SLC30A7: variants seen among roughly 807,000 people sequenced by gnomAD.
The protein encoded by SLC30A7 is solute carrier family 30 member 7.
SLC30A7 carries 35 observed loss-of-function variants against 46.0 expected under a neutral mutation model. The observed-to-expected ratio is 0.76, with a 90% CI of 0.58 to 1.01. The LOEUF (loss-of-function observed/expected upper bound fraction) is 1.01. Ranked by LOEUF, SLC30A7 falls within the 50% of genes least tolerant of loss-of-function variation. SLC30A7 has a pLI of 0.00. For synonymous variants in SLC30A7, 147 were observed against 157.8 expected (o/e 0.93, Z 0.51); for missense variants, 464 against 451.1 (o/e 1.03, Z -0.26).
At chr1:100,896,855 C>A (rs1651000272) in intron 2 of SLC30A7, among the ~76,000 whole-genome samples, 184 bp downstream of exon 2, 2 of 152,182 alleles carry the variant, frequency 1.3e-5, no homozygotes, top group Admixed American at 1.3e-4. Context: ...TGAGTAAGAT[C>A]TGGGCCTATC....
At chr1:100,909,412 G>A (rs142368068) in intron 3 of SLC30A7, among the ~76,000 whole-genome samples, 68 of 152,202 alleles carry the variant, frequency 4.5e-4, no homozygotes, top group African/African-American at 1.5e-3. Context: ...TATACATCCA[G>A]TAGGTAGATA....
In SLC30A7 at chr1:100,918,098, C is replaced by G. The variant is rs796243749; in HGVS notation, c.677C>G (p.Thr226Arg). The G allele has an allele frequency of 1.2e-6, 2 of 1,612,696 alleles. No homozygotes were observed. Among genetic ancestry groups the G allele is most frequent in the African/African-American group, 2.7e-5 (2 of 74,986 alleles). ...ACAGATGGCCCGTCCTTAAAAGAAA[C>G]AACAGGACCCAGCAGACAGATTTTA... ...HSHDGPSLKETTGPSRQILQG... is the reference protein window; with the variant it reads ...HSHDGPSLKERTGPSRQILQG... The change falls in exon 7 of 11, where the codon ACA becomes AGA. Residue 226 changes from threonine to arginine, a missense_variant. Thr to Arg is a moderately conservative substitution (Grantham distance 71). Transcript: ENST00000357650.
intron 2 of SLC30A7, among the ~76,000 whole-genome samples, chr1:100,905,587 G>A (rs933546123): frequency 3.3e-5 from 5 of 151,320 alleles, no homozygotes; most frequent in Non-Finnish European, 5.9e-5. Context: ...TGCTTTTTTT[G>A]TTTGTCTGTT....
chr1:100,907,330 A>G (rs755252017), intron 3 of SLC30A7, among the ~76,000 whole-genome samples: 1 of 151,880 alleles, frequency 6.6e-6, no homozygotes, highest in Non-Finnish European at 1.5e-5. Flanking sequence ...ATTTAAAATC[A>G]TTTTCTAATA....
At chr1:100,966,526 A>G (rs1373129135) in intron 10 of SLC30A7, among the ~76,000 whole-genome samples, 1 of 151,382 alleles carries the variant, frequency 6.6e-6, no homozygotes, top group Non-Finnish European at 1.5e-5. Flanking sequence ...CGGAGCTTGC[A>G]GTGAGCCAAG....
chr1:100,991,146 T>C, the SLC30A7 span, among the ~76,000 whole-genome samples: 1 of 152,224 alleles, frequency 6.6e-6, no homozygotes, highest in Non-Finnish European at 1.5e-5. Flanking sequence ...ATCATGGTAA[T>C]GAGAGCTAAG....
intron 5 of SLC30A7, among the ~76,000 whole-genome samples, chr1:100,913,156 T>A (rs1311761667): frequency 1.3e-5 from 2 of 152,210 alleles, no homozygotes; most frequent in African/African-American, 4.8e-5. Flanking sequence ...CTACCTGCTT[T>A]AATGTAATTT....
intron 9 of SLC30A7, among the ~76,000 whole-genome samples, chr1:100,963,049 TAAAATG>T (rs1312321629): frequency 6.6e-6 from 1 of 152,160 alleles, no homozygotes; most frequent in Non-Finnish European, 1.5e-5. Flanking sequence ...CTGGATATGT[TAAAATG>T]GAAATGGCTA....
chr1:100,983,375 C>CAAAAA (rs779529890), downstream of SLC30A7, among the ~76,000 whole-genome samples: 245 of 74,438 alleles, frequency 3.3e-3, no homozygotes, highest in East Asian at 5.9e-3. Flanking sequence ...TACTTTGAGG[C>CAAAAA]AAAAAAAAAA....
At chr1:100,908,430 A>G (rs1262290564) in intron 3 of SLC30A7, among the ~76,000 whole-genome samples, 1 of 152,240 alleles carries the variant, frequency 6.6e-6, no homozygotes, top group African/African-American at 2.4e-5. Flanking sequence ...TAAAAATACA[A>G]TAATAGCTAT....
At chr1:100,974,755 G>A in intron 10 of SLC30A7, 55 bp from the exon 11 acceptor site, 2 of 1,297,566 alleles carry the variant, frequency 1.5e-6, no homozygotes, top group Non-Finnish European at 2.1e-6. Flanking sequence ...CCTGAAATGT[G>A]TAGGGTGTTA....
chr1:100,921,223 A>G (rs1429712474), intron 7 of SLC30A7, among the ~76,000 whole-genome samples: 2 of 152,160 alleles, frequency 1.3e-5, no homozygotes, highest in East Asian at 3.8e-4. Context: ...GTGTAACAGG[A>G]TAAGTGAAAT....
intron 2 of SLC30A7, among the ~76,000 whole-genome samples, chr1:100,899,631 C>T (rs987696656): frequency 6.6e-6 from 1 of 151,986 alleles, no homozygotes; most frequent in Non-Finnish European, 1.5e-5. Flanking sequence ...TGCAGTGAGC[C>T]GAGATTGAGC....
the SLC30A7 span, chr1:100,992,575 T>C: frequency 2.5e-6 from 3 of 1,187,688 alleles, no homozygotes; most frequent in Non-Finnish European, 3.8e-6. Flanking sequence ...TATTAAGTCA[T>C]ATACACATCT....
chr1:100,965,618 GTATTTATT>G lies in SLC30A7; in HGVS notation c.934-138_934-131del. ...CCTGGCACATAATTAGTACTCAAGA[GTATTTATT>G]TATTTATTTATTCAAACATCCTCCT... On this transcript the variant is annotated intron_variant, in intron 9 of 10. Coordinates refer to ENST00000357650, the MANE Select transcript of SLC30A7 (RefSeq NM_133496.5). 4.5e-6 allele frequency: 3 copies of G among 668,252 alleles called. No individual in the cohort carries two copies. In the South Asian group the frequency reaches 5.5e-5, roughly 12 times the overall value. The allele number at this position is 668,252 out of a possible 1,614,324, so 41.4% of individuals were successfully genotyped here.
downstream of SLC30A7, among the ~76,000 whole-genome samples, chr1:100,982,073 G>A (rs1198209519): frequency 2.0e-5 from 3 of 152,114 alleles, no homozygotes; most frequent in Admixed American, 6.5e-5. Flanking sequence ...CTTATATGAC[G>A]TGAAGACCAA....
chr1:100,903,172 G>A (rs1442794008), intron 2 of SLC30A7, among the ~76,000 whole-genome samples: 1 of 151,982 alleles, frequency 6.6e-6, no homozygotes, highest in African/African-American at 2.4e-5. Flanking sequence ...TTTAAATTTA[G>A]TTATAAAATT....
chr1:100,905,470 T>C (rs144209335), intron 2 of SLC30A7, among the ~76,000 whole-genome samples: 30 of 152,224 alleles, frequency 2.0e-4, no homozygotes, highest in African/African-American at 7.0e-4. Flanking sequence ...AAACATTTTC[T>C]CTTTAAATAC....
chr1:100,983,917 AAGTT>A (rs1192941906), downstream of SLC30A7, among the ~76,000 whole-genome samples: 8 of 152,310 alleles, frequency 5.3e-5, 1 homozygote, highest in South Asian at 1.0e-3. Flanking sequence ...CCTAGACAAT[AAGTT>A]AGATCATAAT....
Sources: allele counts gnomAD v4.1 joint callset (sites outside exome capture counted in the v4.1 genomes callset), GRCh38; gene constraint gnomAD v4.1.1; transcripts MANE v1.5; gene names NCBI Gene and HGNC (gene_info 2026-07-23, HGNC 2026-07-21).